The following THSD7A variants were observed in gnomAD, a reference collection of about 807,000 sequenced individuals.
THSD7A encodes thrombospondin type-1 domain-containing protein 7A.
A neutral mutation model predicts 231.3 loss-of-function variants in THSD7A; 96 were observed. The ratio of observed to expected loss-of-function variants is 0.41; its 90% CI spans 0.35 to 0.49. THSD7A has a LOEUF of 0.49. THSD7A is among the 20% of genes least tolerant of loss of function. The pLI is 0.05. For synonymous variants in THSD7A, 940 were observed against 743.3 expected (o/e 1.26, Z -4.30); for missense variants, 2,290 against 2,070.2 (o/e 1.11, Z -2.06).
At chr7:11,543,705 CAT>C (rs1789249729) in intron 4 of THSD7A, among the ~76,000 whole-genome samples, 2 of 152,148 alleles carry the variant, frequency 1.3e-5, no homozygotes, top group Non-Finnish European at 2.9e-5. Context: ...ACATTATCTG[CAT>C]ATGTGACACA....
At chr7:11,615,744 C>A (rs1781083869) in intron 2 of THSD7A, among the ~76,000 whole-genome samples, 2 of 152,100 alleles carry the variant, frequency 1.3e-5, no homozygotes, top group Admixed American at 1.3e-4. Flanking sequence ...CAATTGTAGT[C>A]AATGTCATCT....
chr7:11,763,625 T>C (rs1376826346), intron 1 of THSD7A, among the ~76,000 whole-genome samples: 2 of 152,180 alleles, frequency 1.3e-5, no homozygotes, highest in African/African-American at 2.4e-5. Flanking sequence ...ATAAGACTTC[T>C]TAGTGTTTAT....
At chr7:11,485,694 G>T (rs1786628127) in intron 6 of THSD7A, among the ~76,000 whole-genome samples, 1 of 152,154 alleles carries the variant, frequency 6.6e-6, no homozygotes, top group Non-Finnish European at 1.5e-5. Context: ...GTTCTTCTTG[G>T]TGGAGAACTG....
In THSD7A at chr7:11,446,262, A is replaced by G. The variant is rs1784967831; in HGVS notation, c.2863T>C (p.Tyr955His). 6.2e-7 allele frequency: 1 copy of G among 1,613,328 alleles called. No individual in the cohort carries two copies. Among genetic ancestry groups the G allele is most frequent in the African/African-American group, 1.3e-5 (1 of 74,894 alleles). ...GCATTATATTTGTCACAAGGACAAT[A>G]CTGAGTCTCAATCAGGGGATACAAA... is the stretch of plus-strand genomic sequence containing the variant. The part of the protein sequence containing the change: ...SHLYPLIETQ[Y>H]CPCDKYNAQP... Residue 955 changes from tyrosine (Y) to histidine (H), a missense_variant, in exon 13 of 28, where the codon TAT (tyrosine) becomes CAT (histidine). Transcript: ENST00000423059. The surrounding 1 kb of genome is among the most constrained non-coding windows in gnomAD (Gnocchi z 4.0).
At chr7:11,578,168 C>A (rs1421194543) in intron 4 of THSD7A, among the ~76,000 whole-genome samples, 2 of 152,134 alleles carry the variant, frequency 1.3e-5, no homozygotes, top group Non-Finnish European at 2.9e-5. Flanking sequence ...TGGAGCGAAA[C>A]TGTTATTTAA....
At chr7:11,429,291 T>C (rs1276177263) in intron 13 of THSD7A, among the ~76,000 whole-genome samples, 166 bp from the exon 14 acceptor site, 1 of 152,202 alleles carries the variant, frequency 6.6e-6, no homozygotes, top group Non-Finnish European at 1.5e-5. Context: ...TGCAGGGAAA[T>C]GTCACATACA....
intron 1 of THSD7A, among the ~76,000 whole-genome samples, chr7:11,676,778 C>A (rs1002766028): frequency 6.6e-6 from 1 of 151,952 alleles, no homozygotes. Context: ...GTGAAAAGAC[C>A]AAACCTAAGT....
chr7:11,469,123 CA>C (rs1785831476), intron 9 of THSD7A, among the ~76,000 whole-genome samples: 1 of 151,950 alleles, frequency 6.6e-6, no homozygotes, highest in Non-Finnish European at 1.5e-5. Context: ...TAAAAGCATA[CA>C]GGAAATTTAG....
At chr7:11,830,126 G>C (rs1785151750) in intron 1 of THSD7A, among the ~76,000 whole-genome samples, 1 of 152,196 alleles carries the variant, frequency 6.6e-6, no homozygotes, top group Non-Finnish European at 1.5e-5. Context: ...CCATATCATT[G>C]TTTCTGAGAG....
At chr7:11,456,721 G>A (rs1009573777) in intron 11 of THSD7A, among the ~76,000 whole-genome samples, 4 of 152,004 alleles carry the variant, frequency 2.6e-5, no homozygotes, top group Non-Finnish European at 5.9e-5. Context: ...CTTGTATCAT[G>A]AAAGCAGCCA....
At chr7:11,704,763 G>C (rs1307525118) in intron 1 of THSD7A, among the ~76,000 whole-genome samples, 2 of 150,970 alleles carry the variant, frequency 1.3e-5, no homozygotes, top group African/African-American at 4.8e-5. Context: ...TCTATTTATG[G>C]ATTGTGACAA....
intron 23 of THSD7A, among the ~76,000 whole-genome samples, chr7:11,389,576 T>A (rs1782902519): frequency 6.6e-6 from 1 of 152,014 alleles, no homozygotes; most frequent in African/African-American, 2.4e-5. Context: ...CTTTATCCAA[T>A]TTGCCAGTCT....
chr7:11,816,706 T>G (rs1009980129), intron 1 of THSD7A, among the ~76,000 whole-genome samples: 22 of 146,650 alleles, frequency 1.5e-4, no homozygotes, highest in Admixed American at 7.0e-4. Context: ...AAATAAAATC[T>G]TAATATAAAT....
At chr7:11,430,650 A>ATT (rs941456756) in intron 13 of THSD7A, among the ~76,000 whole-genome samples, 1 of 151,674 alleles carries the variant, frequency 6.6e-6, no homozygotes, top group African/African-American at 2.4e-5. Context: ...ATATATATAT[A>ATT]TTTTATAGAG....
intron 1 of THSD7A, among the ~76,000 whole-genome samples, chr7:11,750,953 G>A (rs144120040): frequency 1.3e-5 from 2 of 152,042 alleles, no homozygotes; most frequent in African/African-American, 4.8e-5. Flanking sequence ...TAAGACAAGG[G>A]CATCCATCTA....
Position 11,556,740 on chromosome 7 carries a change from T to C in THSD7A, c.1454-13623A>G, listed in dbSNP as rs1008189728. Among the ~76,000 whole-genome samples, 9 of 152,120 alleles carry C rather than the reference T, an allele frequency of 5.9e-5. No individual in the cohort carries two copies. In the Middle Eastern group the frequency reaches 0.01, roughly 172 times the overall value. Reference sequence around the variant, plus strand: ...TCTTGAAAGATATTTTCTCTGAGTATTGAATTGCAAGTTGACAGTTCTTTT... The same window carrying C: ...TCTTGAAAGATATTTTCTCTGAGTACTGAATTGCAAGTTGACAGTTCTTTT... On this transcript the variant is annotated intron_variant, in intron 4 of 27. Coordinates refer to ENST00000423059, the MANE Select transcript of THSD7A (RefSeq NM_015204.3).
intron 6 of THSD7A, among the ~76,000 whole-genome samples, chr7:11,506,277 C>T (rs112004386): frequency 4.6e-5 from 7 of 152,226 alleles, no homozygotes; most frequent in East Asian, 1.9e-4. Flanking sequence ...AGGAGTGAGC[C>T]GCGCTGGGCC....
At position 11,820,363 on chromosome 7, in the gene THSD7A, G is replaced by A. The variant is rs559407526; in HGVS notation, c.190+11394C>T. 3 of 1,186,526 alleles carry A rather than the reference G, an allele frequency of 2.5e-6. No individual in the cohort carries two copies. The East Asian group carries it at 8.1e-5, about 32-fold the overall frequency. 73.5% of individuals were successfully genotyped at this position (1,186,526 alleles called of 1,614,324 possible). Reference sequence around the variant, plus strand: ...ATTGTCCTTCTCTTCTCTGTTCTCTGTCCCACTCTTGTCGTCTTCAATCTC... The same window carrying A: ...ATTGTCCTTCTCTTCTCTGTTCTCTATCCCACTCTTGTCGTCTTCAATCTC... On this transcript the variant is annotated intron_variant, in intron 1 of 27. Transcript: ENST00000423059.
chr7:11,467,116 G>C (rs1352971975), intron 9 of THSD7A, among the ~76,000 whole-genome samples: 1 of 151,984 alleles, frequency 6.6e-6, no homozygotes, highest in African/African-American at 2.4e-5. Context: ...TTCACATCTT[G>C]GGCTCCAGTG....
Sources: gnomAD v4.1 joint callset for allele counts (sites outside exome capture counted in the v4.1 genomes callset) on GRCh38, gnomAD v4.1.1 for gene constraint, Gnocchi (gnomAD v3.1) non-coding constraint, MANE v1.5 for transcripts, NCBI Gene and HGNC (gene_info 2026-07-23, HGNC 2026-07-21) for gene names.